Variants in CEP72 observed in about 807,000 individuals in gnomAD.
CEP72 encodes the protein centrosomal protein 72.
In CEP72, 78 loss-of-function variants were observed where a neutral mutation model predicts 65.7. The ratio of observed to expected loss-of-function variants is 1.19; its 90% CI spans 0.99 to 1.43. CEP72 has a LOEUF of 1.43. Among genes scored for constraint, CEP72 ranks in the 40% most tolerant of loss-of-function variants. CEP72 has a pLI of 0.00. For missense variants in CEP72, 914 were observed against 832.9 expected (o/e 1.10, Z -1.20); for synonymous variants, 358 against 351.7 (o/e 1.02, Z -0.20).
intron 1 of CEP72, among the ~76,000 whole-genome samples, chr5:616,068 AG>A (rs1258338238): frequency 6.6e-6 from 1 of 152,170 alleles, no homozygotes; most frequent in African/African-American, 2.4e-5. Context: ...GTAACTCAGG[AG>A]GAAACATATT....
chr5:635,157 G>T (rs893733353), intron 5 of CEP72, among the ~76,000 whole-genome samples: 2 of 152,172 alleles, frequency 1.3e-5, no homozygotes, highest in African/African-American at 4.8e-5. Context: ...TTGCAGCCTT[G>T]TCCTGAGTCT....
chr5:673,161 ACTCCC>A, the CEP72 span, among the ~76,000 whole-genome samples: 1 of 150,628 alleles, frequency 6.6e-6, no homozygotes, highest in Non-Finnish European at 1.5e-5. Flanking sequence ...AACAAAAGCA[ACTCCC>A]ACAGGCCCGC....
intron 3 of CEP72, chr5:665,433 C>G: frequency 2.6e-6 from 2 of 782,842 alleles, no homozygotes; most frequent in Non-Finnish European, 4.0e-6. Context: ...ATTTATGCCC[C>G]TTTTAATTCT....
chr5:644,446 G>T, intron 10 of CEP72, 21 bp downstream of exon 10: 1 of 1,612,460 alleles, frequency 6.2e-7, no homozygotes, highest in African/African-American at 1.3e-5. Context: ...CGTGTATTTG[G>T]TCACTTTGTA....
intron 1 of CEP72, 83 bp from the exon 2 acceptor site, chr5:618,907 C>T (rs1617985): frequency 0.64 from 706,327 of 1,095,944 alleles, 229,454 homozygotes; most frequent in Non-Finnish European, 0.67. Flanking sequence ...GTTTCTACTC[C>T]ATATCCAACA....
At chr5:633,273 G>C (rs1342631566) in intron 4 of CEP72, among the ~76,000 whole-genome samples, 1 of 105,744 alleles carries the variant, frequency 9.5e-6, no homozygotes, top group Non-Finnish European at 2.0e-5. Flanking sequence ...TCCAGTTCCG[G>C]GATTTAGACC....
chr5:652,963 C>G, intron 11 of CEP72, 25 bp from the exon 12 acceptor site: 1 of 1,579,466 alleles, frequency 6.3e-7, no homozygotes, highest in South Asian at 1.2e-5. Context: ...AAGTGCCAAG[C>G]AGCCGCTTCC....
intron 6 of CEP72, among the ~76,000 whole-genome samples, chr5:636,911 G>A (rs921393534): frequency 1.3e-5 from 2 of 152,164 alleles, no homozygotes; most frequent in African/African-American, 4.8e-5. Flanking sequence ...AGGGGACCTA[G>A]CCAGGTTGTC....
At chr5:640,270 C>A (rs144088364) in intron 8 of CEP72, 138 bp from the exon 9 acceptor site, 2 of 1,185,822 alleles carry the variant, frequency 1.7e-6, no homozygotes, top group Non-Finnish European at 1.2e-6. Context: ...TTTGTGGCGC[C>A]AACACCCCTT....
chr5:669,482 C>T (rs367687427), downstream of CEP72, among the ~76,000 whole-genome samples: 4 of 152,118 alleles, frequency 2.6e-5, no homozygotes, highest in South Asian at 6.2e-4. Context: ...CTCTCTGGGG[C>T]CCTTGGGGCC....
chr5:649,474 GTGTGA>G (rs1371157768), intron 11 of CEP72, among the ~76,000 whole-genome samples: 3 of 101,806 alleles, frequency 2.9e-5, no homozygotes, highest in African/African-American at 8.5e-5. Context: ...TGACTGTGAG[GTGTGA>G]CTGTGAGGTG....
chr5:659,104 C>G (rs1487526743), downstream of CEP72, among the ~76,000 whole-genome samples: 1 of 152,258 alleles, frequency 6.6e-6, no homozygotes, highest in African/African-American at 2.4e-5. Context: ...GCATGTCCCT[C>G]TGCTCGTTTG....
In CEP72 at chr5:653,236, A is replaced by G. The variant is rs986312870; in HGVS notation, c.*83A>G. The G allele has an allele frequency of 1.5e-6, 2 of 1,308,282 alleles. No individual in the cohort carries two copies. Among genetic ancestry groups the G allele is most frequent in the South Asian group, 3.3e-5 (2 of 61,436 alleles). 81.0% of individuals were successfully genotyped at this position (1,308,282 alleles called of 1,614,324 possible). On this transcript the variant is annotated 3_prime_UTR_variant, in exon 12 of 12. Coordinates refer to ENST00000264935, the MANE Select transcript of CEP72 (RefSeq NM_018140.4). Reference sequence around the variant, plus strand: ...ACCTTTGTACTTCTTTATTGAGTGTACTGGCTGGCAAGAGTTCTCTCTTCT... The same window carrying G: ...ACCTTTGTACTTCTTTATTGAGTGTGCTGGCTGGCAAGAGTTCTCTCTTCT...
intron 8 of CEP72, among the ~76,000 whole-genome samples, chr5:639,541 G>A (rs1373855009): frequency 1.3e-5 from 2 of 152,226 alleles, no homozygotes; most frequent in Non-Finnish European, 2.9e-5. Context: ...GATCACATGG[G>A]GATTTGGAGT....
chr5:646,005 GCGTCA>G (rs1738396783), intron 10 of CEP72, among the ~76,000 whole-genome samples: 1 of 151,792 alleles, frequency 6.6e-6, no homozygotes, highest in African/African-American at 2.4e-5. Flanking sequence ...CACTGTGGGA[GCGTCA>G]CTCTTGCTCC....
Position 637,644 on chromosome 5 carries a change from G to A in CEP72, c.1032G>A (p.Thr344=), listed in dbSNP as rs62001002. The A allele has an allele frequency of 2.6e-4, 417 of 1,614,056 alleles. 3 individuals carry two copies. In the African/African-American group the frequency reaches 4.8e-3, roughly 19 times the overall value. ...KRRMPVGRFQ[T]FSDQEGLGCP... is the part of the protein sequence containing the mutation. The stretch of plus-strand genomic sequence containing the variant: ...GAATGCCTGTTGGAAGATTCCAGAC[G>A]TTTTCGGACCAGGAGGGTTTGGGCT... The change falls in exon 7 of 12, where the codon ACG becomes ACA. Residue 344 remains threonine (T), a synonymous_variant. Coordinates refer to ENST00000264935, the MANE Select transcript of CEP72 (RefSeq NM_018140.4).
At position 647,830 on chromosome 5, in the gene CEP72, G is replaced by A; in HGVS notation, c.1692G>A (p.Leu564=). ...GACTTCAAACAAGTGTGAAGAGGCT[G>A]TGTGGCGAGATTGTGGAACTGAAGC... ...IAGLQTSVKR[L]CGEIVELKQH... The change falls in exon 11 of 12, where the codon CTG becomes CTA. Residue 564 remains leucine (L), a synonymous_variant. Transcript: ENST00000264935. The A allele has an allele frequency of 6.2e-7, 1 of 1,612,406 alleles. No homozygotes were observed. The highest frequency in any genetic ancestry group is 8.5e-7 in the Non-Finnish European group (1 of 1,179,834).
intron 9 of CEP72, chr5:643,314 G>A (rs1288423265): frequency 6.1e-6 from 6 of 985,314 alleles, no homozygotes; most frequent in Admixed American, 6.1e-5. Context: ...CTTTCTGGAC[G>A]ACCCAAAGCC....
At chr5:659,988 C>T (rs1056385741), downstream of CEP72, 2 of 152,364 alleles carry the variant, frequency 1.3e-5, no homozygotes, top group Non-Finnish European at 2.9e-5. Flanking sequence ...CCAGGCTCAA[C>T]AGCAAGTCCA....
Sources: allele counts gnomAD v4.1 joint callset (sites outside exome capture counted in the v4.1 genomes callset), GRCh38; gene constraint gnomAD v4.1.1; transcripts MANE v1.5; gene names NCBI Gene and HGNC (gene_info 2026-07-23, HGNC 2026-07-21).